The following ZFAT variants were observed in gnomAD, a reference collection of about 807,000 sequenced individuals.
ZFAT encodes the protein zinc finger and AT-hook domain containing, also known as zinc finger protein ZFAT.
ZFAT carries 64 observed loss-of-function variants against 117.7 expected under a neutral mutation model. The observed-to-expected ratio is 0.54, with a 90% CI of 0.44 to 0.67. ZFAT has a LOEUF of 0.67. ZFAT is among the 30% of genes least tolerant of loss of function. ZFAT has a pLI of 0.00. For synonymous variants in ZFAT, 679 were observed against 615.0 expected, an observed-to-expected ratio of 1.10 and a Z score of -1.54; for missense variants, 1,433 against 1,584.5, an observed-to-expected ratio of 0.90 and a Z score of 1.62.
intron 14 of ZFAT, among the ~76,000 whole-genome samples, chr8:134,511,641 T>G (rs1467203787): frequency 6.6e-6 from 1 of 152,202 alleles, no homozygotes; most frequent in African/African-American, 2.4e-5. Flanking sequence ...TAACCCAACC[T>G]GCTTGACCTC....
chr8:134,563,815 A>G (rs1453570857), intron 11 of ZFAT, among the ~76,000 whole-genome samples: 1 of 152,144 alleles, frequency 6.6e-6, no homozygotes, highest in Non-Finnish European at 1.5e-5. Context: ...CCAGCTCCCC[A>G]GTGCTTTCTT....
At chr8:134,735,375 T>C in the ZFAT span, among the ~76,000 whole-genome samples, 48 of 152,174 alleles carry the variant, frequency 3.2e-4, no homozygotes, top group African/African-American at 1.1e-3. Context: ...AGTAGCAGCA[T>C]TGAGGCTAGC....
chr8:134,694,647 T>A (rs1833738788), intron 1 of ZFAT, among the ~76,000 whole-genome samples: 1 of 152,154 alleles, frequency 6.6e-6, no homozygotes, highest in South Asian at 2.1e-4. Context: ...CTCCTCCCCA[T>A]CGCTGGATCT....
intron 8 of ZFAT, among the ~76,000 whole-genome samples, chr8:134,588,828 GA>G (rs1171840023): frequency 6.6e-6 from 1 of 152,216 alleles, no homozygotes; most frequent in African/African-American, 2.4e-5. Context: ...GGAAATTGGG[GA>G]AATTTTAAAC....
intron 2 of ZFAT, among the ~76,000 whole-genome samples, chr8:134,653,419 G>GTTTTTTT (rs61711569): frequency 1.9e-5 from 1 of 51,336 alleles, no homozygotes; most frequent in African/African-American, 8.6e-5. Flanking sequence ...CGTTTTATCT[G>GTTTTTTT]TTTTTTTTTT....
At chr8:134,710,389 T>C (rs966528951) in intron 1 of ZFAT, among the ~76,000 whole-genome samples, 1 of 152,226 alleles carries the variant, frequency 6.6e-6, no homozygotes, top group African/African-American at 2.4e-5. Flanking sequence ...TGCCAGCTCC[T>C]GCAATAAACC....
Position 134,651,749 on chromosome 8 carries a change from T to C in ZFAT, c.196+5812A>G, listed in dbSNP as rs904340972. ...CAAAAGGCAGAACAGTTTATATTCT[T>C]CTAAAATTTATAAAAATCATAAATC... On this transcript the variant is annotated intron_variant, in intron 2 of 15. Transcript: ENST00000377838. 2.0e-5 allele frequency among the ~76,000 whole-genome samples: 3 copies of C among 152,278 alleles called. No homozygotes were observed. The East Asian group carries it at 5.8e-4, about 29-fold the overall frequency.
rs1440702475 is a variant in ZFAT, at chr8:134,637,343, G to A, written c.448+118C>T. The A allele has an allele frequency of 6.8e-6, 9 of 1,322,314 alleles. No individual in the cohort carries two copies. In the East Asian group the frequency reaches 2.1e-4, roughly 31 times the overall value. 81.9% of individuals were successfully genotyped at this position (1,322,314 alleles called of 1,614,324 possible). On this transcript the variant is annotated intron_variant, in intron 3 of 15. Transcript: ENST00000377838. Reference sequence around the variant, plus strand: ...GGAAAATAAGCACTTTTCCAGATGGGTGAGAGCTGAATAAATATGTGCTAT... The same window carrying A: ...GGAAAATAAGCACTTTTCCAGATGGATGAGAGCTGAATAAATATGTGCTAT...
intron 15 of ZFAT, among the ~76,000 whole-genome samples, chr8:134,490,176 C>T (rs1227431354): frequency 6.6e-6 from 1 of 152,188 alleles, no homozygotes; most frequent in African/African-American, 2.4e-5. Flanking sequence ...CACCTAATGC[C>T]ACAAACATAG....
chr8:134,754,917 G>A, the ZFAT span, among the ~76,000 whole-genome samples: 1 of 152,132 alleles, frequency 6.6e-6, no homozygotes, highest in African/African-American at 2.4e-5. Context: ...AACACACGCA[G>A]TCAAAGAACA....
intron 15 of ZFAT, among the ~76,000 whole-genome samples, chr8:134,487,871 C>T (rs1465028428): frequency 1.3e-5 from 2 of 152,232 alleles, no homozygotes; most frequent in East Asian, 1.9e-4. Context: ...TGCTCTCCCT[C>T]GCCTTCCTGG....
chr8:134,503,721 C>G (rs577950123), intron 15 of ZFAT, among the ~76,000 whole-genome samples: 169 of 152,266 alleles, frequency 1.1e-3, no homozygotes, highest in African/African-American at 3.8e-3. Flanking sequence ...TCCCAACAGC[C>G]TTCAAGCCAG....
At chr8:134,703,062 T>C (rs1380958481) in intron 1 of ZFAT, among the ~76,000 whole-genome samples, 1 of 152,230 alleles carries the variant, frequency 6.6e-6, no homozygotes, top group Non-Finnish European at 1.5e-5. Flanking sequence ...ACCTTCAACA[T>C]TGTAAGAAGC....
the ZFAT span, among the ~76,000 whole-genome samples, chr8:134,832,331 T>C: frequency 3.3e-5 from 5 of 150,812 alleles, no homozygotes. Flanking sequence ...CGCGTGTACA[T>C]GTCTCTGTGT....
chr8:134,650,554 C>A (rs555344704), intron 2 of ZFAT, among the ~76,000 whole-genome samples: 1 of 152,148 alleles, frequency 6.6e-6, no homozygotes, highest in South Asian at 2.1e-4. Context: ...AATAGACAAG[C>A]TGATCCTAAA....
At chr8:134,637,847 A>T (rs1312667778) in intron 2 of ZFAT, 135 bp from the exon 3 acceptor site, 23 of 1,221,136 alleles carry the variant, frequency 1.9e-5, no homozygotes, top group Middle Eastern at 2.9e-4. Context: ...GATTCCAGAC[A>T]TTAACAGCTG....
intron 10 of ZFAT, among the ~76,000 whole-genome samples, chr8:134,582,414 C>A (rs919655670): frequency 6.6e-6 from 1 of 152,214 alleles, no homozygotes; most frequent in East Asian, 1.9e-4. Context: ...TGAAGGACTG[C>A]AGTAGTTATG....
intron 10 of ZFAT, among the ~76,000 whole-genome samples, chr8:134,577,780 G>A (rs1046599636): frequency 6.6e-6 from 1 of 152,100 alleles, no homozygotes; most frequent in Non-Finnish European, 1.5e-5. Flanking sequence ...GGTTTAAAGA[G>A]AAAGTAAAAA....
At chr8:134,654,402 C>A (rs1831467414) in intron 2 of ZFAT, among the ~76,000 whole-genome samples, 2 of 152,144 alleles carry the variant, frequency 1.3e-5, no homozygotes, top group Non-Finnish European at 2.9e-5. Context: ...AGTAGAAGCA[C>A]CAAAGTCAGT....
Sources: gnomAD v4.1 joint callset for allele counts (sites outside exome capture counted in the v4.1 genomes callset) on GRCh38, gnomAD v4.1.1 for gene constraint, MANE v1.5 for transcripts, NCBI Gene and HGNC (gene_info 2026-07-23, HGNC 2026-07-21) for gene names.